The following ZFR variants were observed in gnomAD, a reference collection of about 807,000 sequenced individuals.
ZFR encodes zinc finger RNA binding protein, also known as zinc finger RNA-binding protein.
A neutral mutation model predicts 130.7 loss-of-function variants in ZFR; 19 were observed. The observed-to-expected ratio is 0.15, with a 90% CI of 0.10 to 0.21. The LOEUF is 0.21. ZFR is among the 10% of genes least tolerant of loss of function. The pLI, the probability that ZFR is intolerant of heterozygous loss-of-function variation, is 1.00. For missense variants in ZFR, 872 were observed against 1,321.5 expected, an observed-to-expected ratio of 0.66 and a Z score of 5.27; for synonymous variants, 466 against 456.9, an observed-to-expected ratio of 1.02 and a Z score of -0.25.
At chr5:32,444,390 G>A (rs941509560) in intron 1 of ZFR, 62 bp from the exon 2 acceptor site, 140 of 1,493,790 alleles carry the variant, frequency 9.4e-5, no homozygotes, top group Non-Finnish European at 1.2e-4. Flanking sequence ...GAGCCGAGAC[G>A]CCGAGGGAGG....
intron 19 of ZFR, among the ~76,000 whole-genome samples, chr5:32,360,396 T>A (rs1021454757): frequency 6.6e-6 from 1 of 152,156 alleles, no homozygotes; most frequent in African/African-American, 2.4e-5. Context: ...AACCCCTCTA[T>A]CCTTAGGCCC....
intron 2 of ZFR, among the ~76,000 whole-genome samples, chr5:32,427,286 G>C (rs1263992621): frequency 6.7e-6 from 1 of 150,300 alleles, no homozygotes; most frequent in Non-Finnish European, 1.5e-5. Flanking sequence ...CCAGCTACTT[G>C]GGTGGCTGGG....
chr5:32,418,262 A>C (rs1184104813), intron 3 of ZFR, among the ~76,000 whole-genome samples: 1 of 824 alleles, frequency 1.2e-3, no homozygotes, highest in South Asian at 0.014. Flanking sequence ...TCTGCCTCAA[A>C]AAAAAAAAAG....
chr5:32,385,430 G>C, intron 15 of ZFR, 78 bp downstream of exon 15: 3 of 1,519,116 alleles, frequency 2.0e-6, no homozygotes, highest in Non-Finnish European at 2.7e-6. Context: ...TTGCCTTCTA[G>C]GGCTTAATGC....
At chr5:32,439,034 A>C (rs1425089967) in intron 2 of ZFR, among the ~76,000 whole-genome samples, 1 of 152,166 alleles carries the variant, frequency 6.6e-6, no homozygotes, top group Admixed American at 6.5e-5. Flanking sequence ...ACAAAAGCAT[A>C]CTCAAGCAGA....
intron 17 of ZFR, among the ~76,000 whole-genome samples, chr5:32,373,669 T>C (rs990141275): frequency 6.6e-6 from 1 of 152,136 alleles, no homozygotes; most frequent in Non-Finnish European, 1.5e-5. Flanking sequence ...TAGAGCTGAT[T>C]TTGAAGAGAC....
chr5:32,440,183 G>A (rs1446039838), intron 2 of ZFR, among the ~76,000 whole-genome samples: 1 of 152,112 alleles, frequency 6.6e-6, no homozygotes, highest in East Asian at 1.9e-4. Context: ...CTCTTAACAG[G>A]TTATCTACCT....
intron 19 of ZFR, 88 bp downstream of exon 19, chr5:32,363,860 G>C: frequency 1.2e-5 from 13 of 1,079,656 alleles, no homozygotes; most frequent in Non-Finnish European, 1.7e-5. Flanking sequence ...ATTATATAGT[G>C]ACTTATAATA....
intron 17 of ZFR, chr5:32,364,559 C>CAA (rs35884057): frequency 8.0e-5 from 13 of 161,674 alleles, no homozygotes; most frequent in African/African-American, 2.2e-4. Flanking sequence ...CCCGTCTCTA[C>CAA]AAAAAAAACC....
At position 32,438,253 on chromosome 5, in the gene ZFR, A is replaced by ATTTTT. The variant is rs869249272; in HGVS notation, c.137+5971_137+5975dup. 9.2e-3 allele frequency among the ~76,000 whole-genome samples: 562 copies of ATTTTT among 61,026 alleles called. 59 individuals carry two copies. The highest frequency in any genetic ancestry group is 0.017 in the African/African-American group (235 of 13,944). 40.0% of individuals were successfully genotyped at this position (61,026 alleles called of 152,430 possible). ...AGAATGCTACTGATTTTATCTGAAA[A>ATTTTT]TTTTTTTTTTTTTTTTTTTTTTTTT... is the stretch of plus-strand genomic sequence containing the variant. On this transcript the variant is annotated intron_variant, in intron 2 of 19. Coordinates refer to ENST00000265069, the MANE Select transcript of ZFR (RefSeq NM_016107.5).
At chr5:32,435,555 T>C in intron 2 of ZFR, among the ~76,000 whole-genome samples, 1 of 152,114 alleles carries the variant, frequency 6.6e-6, no homozygotes, top group Non-Finnish European at 1.5e-5. Flanking sequence ...ATGGGCAGGA[T>C]TGGGGAAGTA....
Position 32,420,178 on chromosome 5 carries a change from A to C in ZFR, c.138-75T>G. The C allele has an allele frequency of 2.2e-6, 3 of 1,348,032 alleles. No individual in the cohort carries two copies. In the East Asian group the frequency reaches 7.7e-5, roughly 35 times the overall value. The allele number at this position is 1,348,032 out of a possible 1,614,324, so 83.5% of individuals were successfully genotyped here. On this transcript the variant is annotated intron_variant, in intron 2 of 19. Transcript: ENST00000265069. ...AGTTAACCAACTTCAATTAAAAGCT[A>C]TTCAACTGAAATAAAAAGCACATTT...
intron 5 of ZFR, among the ~76,000 whole-genome samples, chr5:32,410,516 T>C (rs997268512): frequency 1.3e-5 from 2 of 151,058 alleles, no homozygotes; most frequent in Non-Finnish European, 2.9e-5. Context: ...CCTGGGAGGC[T>C]GAGGTGGGAG....
intron 2 of ZFR, 111 bp downstream of exon 2, chr5:32,444,118 G>A: frequency 8.1e-7 from 1 of 1,241,398 alleles, no homozygotes; most frequent in Non-Finnish European, 1.1e-6. Flanking sequence ...CAGGCCTGCA[G>A]CGGGCCGGGG....
chr5:32,390,252 G>GT (rs1561882146), intron 12 of ZFR, 23 bp downstream of exon 12: 2 of 1,600,936 alleles, frequency 1.2e-6, no homozygotes, highest in Admixed American at 1.7e-5. Context: ...TTCACCCCTT[G>GT]TATCACCAAC....
intron 2 of ZFR, among the ~76,000 whole-genome samples, chr5:32,434,783 C>T (rs756962217): frequency 2.5e-4 from 38 of 151,904 alleles, no homozygotes; most frequent in Admixed American, 8.5e-4. Flanking sequence ...CTTTGGAAGG[C>T]CTCTAAGAAA....
chr5:32,394,493 T>A (rs550862838), intron 11 of ZFR: 1 of 166,476 alleles, frequency 6.0e-6, no homozygotes, highest in Non-Finnish European at 1.5e-5. Flanking sequence ...TTATATGAAA[T>A]CTCTAGAATA....
In ZFR at chr5:32,406,921, AGCAGCT is replaced by A. The variant is rs1271480761; in HGVS notation, c.879_884del (p.Ala298_Ala299del). ...TCCAGGCAGCTGTTGCAGCAGCAGC[AGCAGCT>A]GCTGCTGCTGCCTGCTTCTGTTGCT... On this transcript the variant is annotated inframe_deletion, in exon 6 of 20. Transcript: ENST00000265069. 6.2e-7 allele frequency: 1 copy of A among 1,606,358 alleles called. No individual in the cohort carries two copies. The highest frequency in any genetic ancestry group is 8.5e-7 in the Non-Finnish European group (1 of 1,177,936).
chr5:32,415,196 G>A lies in ZFR; in HGVS notation c.566-9C>T, dbSNP rs983740318. ...GTAACCTGCTTTGGGGGCTGAAGTA[G>A]GAAAGAGACATCAGAAAATTAGAAG... On this transcript the variant is annotated splice_polypyrimidine_tract_variant and intron_variant, in intron 4 of 19. Coordinates refer to ENST00000265069, the MANE Select transcript of ZFR (RefSeq NM_016107.5). The A allele has an allele frequency of 1.2e-5, 20 of 1,612,790 alleles. No homozygotes were observed. Among genetic ancestry groups the A allele is most frequent in the Non-Finnish European group, 1.7e-5 (20 of 1,179,250 alleles).
Sources: gnomAD v4.1 joint callset for allele counts (sites outside exome capture counted in the v4.1 genomes callset) on GRCh38, gnomAD v4.1.1 for gene constraint, MANE v1.5 for transcripts, NCBI Gene and HGNC (gene_info 2026-07-23, HGNC 2026-07-21) for gene names.